PCDHGA11: variants seen among roughly 807,000 people sequenced by gnomAD.
The protein encoded by PCDHGA11 is protocadherin gamma subfamily A, 11.
A neutral mutation model predicts 60.4 loss-of-function variants in PCDHGA11; 39 were observed. That is an observed-to-expected ratio of 0.65 (90% confidence interval 0.50 to 0.84). The LOEUF (loss-of-function observed/expected upper bound fraction) is 0.84, where lower values mean the gene tolerates loss of function less well. Ranked by LOEUF, PCDHGA11 falls within the 40% of genes least tolerant of loss-of-function variation. The probability of loss-of-function intolerance (pLI) is 0.00; values close to 1 mark genes in which losing one functional copy is unlikely to be tolerated. For synonymous variants in PCDHGA11, 533 were observed against 510.3 expected (o/e 1.04, Z -0.60); for missense variants, 1,165 against 1,197.7 (o/e 0.97, Z 0.40).
Position 141,491,898 on chromosome 5 carries a change from G to C in PCDHGA11, c.2434-2909G>C, listed in dbSNP as rs772673872. 9.0e-5 allele frequency: 129 copies of C among 1,428,816 alleles called. 1 individual carries two copies. In the Middle Eastern group the frequency reaches 2.0e-3, roughly 22 times the overall value. The allele number at this position is 1,428,816 out of a possible 1,614,324, so 88.5% of individuals were successfully genotyped here. On this transcript the variant is annotated intron_variant, in intron 1 of 3. Coordinates refer to ENST00000398587, the MANE Select transcript of PCDHGA11 (RefSeq NM_018914.3). The surrounding 1 kb of genome is among the most constrained non-coding windows in gnomAD (Gnocchi z 6.9). ...ATTAAGGGATGGGGCTCCGAGCACCGGGGGTGGTGGCGACTGTGGGCGAGG... is the reference window on the plus strand; with the variant it reads ...ATTAAGGGATGGGGCTCCGAGCACCCGGGGTGGTGGCGACTGTGGGCGAGG...
Position 141,511,378 on chromosome 5 carries a change from T to C in PCDHGA11, c.*205T>C. 1 of 1,202,114 alleles carries C rather than the reference T, an allele frequency of 8.3e-7. No homozygotes were observed. The highest frequency in any genetic ancestry group is 1.1e-6 in the Non-Finnish European group (1 of 882,194). The allele number at this position is 1,202,114 out of a possible 1,614,324, so 74.5% of individuals were successfully genotyped here. A position where few individuals can be genotyped will look rare whatever the true frequency, so the allele number is the denominator to read the frequency against. On this transcript the variant is annotated 3_prime_UTR_variant, in exon 4 of 4. Coordinates refer to ENST00000398587, the MANE Select transcript of PCDHGA11 (RefSeq NM_018914.3). ...AGGGGGTTGAATATGCAAAAGCAGT[T>C]CCGCTGGGAACCCCCATCCAATCAA...
At chr5:141,466,296 A>G (rs2099120415) in intron 1 of PCDHGA11, among the ~76,000 whole-genome samples, 1 of 152,136 alleles carries the variant, frequency 6.6e-6, no homozygotes. Flanking sequence ...TCAGGCTCCC[A>G]AGTAGCTGGG....
At chr5:141,430,888 T>C (rs1447560622) in intron 1 of PCDHGA11, 5 of 1,605,402 alleles carry the variant, frequency 3.1e-6, no homozygotes, top group Admixed American at 1.7e-5. Context: ...AGAAAGGCTC[T>C]AGGGTGGGCG....
At chr5:141,473,439 A>G (rs2099322281) in intron 1 of PCDHGA11, among the ~76,000 whole-genome samples, 1 of 152,210 alleles carries the variant, frequency 6.6e-6, no homozygotes, top group African/African-American at 2.4e-5. Flanking sequence ...TTGCTTATGC[A>G]AAAATAATTA....
chr5:141,463,438 CTTTTTTTTTTT>C (rs71576115), intron 1 of PCDHGA11, among the ~76,000 whole-genome samples: 7 of 103,256 alleles, frequency 6.8e-5, no homozygotes, highest in African/African-American at 1.8e-4. Flanking sequence ...TTTCCTTCTC[CTTTTTTTTTTT>C]TTTTTTTTTT....
chr5:141,474,961 A>G (rs1395755491), intron 1 of PCDHGA11, among the ~76,000 whole-genome samples: 1 of 152,254 alleles, frequency 6.6e-6, no homozygotes, highest in South Asian at 2.1e-4. Flanking sequence ...TCACTATCCT[A>G]ATCATTATAA....
At chr5:141,427,276 T>G (rs1281222927) in intron 1 of PCDHGA11, 1 of 456,754 alleles carries the variant, frequency 2.2e-6, no homozygotes, top group Non-Finnish European at 4.4e-6. Context: ...GAATGTAAAA[T>G]TATACTAGAA....
intron 1 of PCDHGA11, among the ~76,000 whole-genome samples, chr5:141,481,031 C>G (rs926205148): frequency 1.3e-5 from 2 of 152,108 alleles, no homozygotes; most frequent in Non-Finnish European, 2.9e-5. Flanking sequence ...GCACTCCAGC[C>G]TGGGCGACAG....
At position 141,431,363 on chromosome 5, in the gene PCDHGA11, C is replaced by T. The variant is rs765751691; in HGVS notation, c.2433+7703C>T. On this transcript the variant is annotated intron_variant, in intron 1 of 3. Transcript: ENST00000398587. The surrounding 1 kb of genome is among the most constrained non-coding windows in gnomAD (Gnocchi z 4.8). The stretch of plus-strand genomic sequence containing the variant: ...ATTGGTGCTGAAACGCGCCCTGGAC[C>T]GCGAAGAAAAGGCTGCTCACCACCT... 1 of 1,614,024 alleles carries T rather than the reference C, an allele frequency of 6.2e-7. No homozygotes were observed. The highest frequency in any genetic ancestry group is 2.2e-5 in the East Asian group (1 of 44,882).
Position 141,485,870 on chromosome 5 carries a change from C to T in PCDHGA11, c.2434-8937C>T. The stretch of plus-strand genomic sequence containing the variant: ...CACCGCAGAGCTCCGGGTATCCGTG[C>T]TGGACGTAAACGACAACGCCCCAGC... On this transcript the variant is annotated intron_variant, in intron 1 of 3. Coordinates refer to ENST00000398587, the MANE Select transcript of PCDHGA11 (RefSeq NM_018914.3). This position sits in a 1 kb window ranked among gnomAD's most constrained non-coding sequence, Gnocchi z 5.7. 6.2e-7 allele frequency: 1 copy of T among 1,614,174 alleles called. No homozygotes were observed. The highest frequency in any genetic ancestry group is 8.5e-7 in the Non-Finnish European group (1 of 1,180,032).
At chr5:141,452,460 G>A (rs750887712) in intron 1 of PCDHGA11, among the ~76,000 whole-genome samples, 1 of 152,140 alleles carries the variant, frequency 6.6e-6, no homozygotes, top group Non-Finnish European at 1.5e-5. Flanking sequence ...GTCAGCAGAC[G>A]GAGCTAGGAA....
Position 141,485,831 on chromosome 5 carries a change from C to T in PCDHGA11, c.2434-8976C>T. 1 of 1,614,080 alleles carries T rather than the reference C, an allele frequency of 6.2e-7. No individual in the cohort carries two copies. The highest frequency in any genetic ancestry group is 8.5e-7 in the Non-Finnish European group (1 of 1,180,026). ...GCTGACTGCTGTCGATGGAGGGAAC[C>T]CGCCGAGATCTGGCACCGCAGAGCT... On this transcript the variant is annotated intron_variant, in intron 1 of 3. Coordinates refer to ENST00000398587, the MANE Select transcript of PCDHGA11 (RefSeq NM_018914.3). This position sits in a 1 kb window ranked among gnomAD's most constrained non-coding sequence, Gnocchi z 5.7.
intron 1 of PCDHGA11, among the ~76,000 whole-genome samples, chr5:141,463,128 A>G (rs914895217): frequency 1.5e-4 from 23 of 152,190 alleles, no homozygotes; most frequent in Admixed American, 1.4e-3. Context: ...GCTCCCTGGC[A>G]GTTCTTCGCC....
Position 141,487,007 on chromosome 5 carries a change from G to C in PCDHGA11, c.2434-7800G>C, listed in dbSNP as rs563548715. On this transcript the variant is annotated intron_variant, in intron 1 of 3. Transcript: ENST00000398587. This position sits in a 1 kb window ranked among gnomAD's most constrained non-coding sequence, Gnocchi z 5.0. ...TGCTTGGGTTTCCTATCAGCTCCTG[G>C]AGGCCCCAGATCCCAGCCTGTTTGC... The C allele has an allele frequency of 6.2e-7, 1 of 1,614,206 alleles. No individual in the cohort carries two copies. Among genetic ancestry groups the C allele is most frequent in the Non-Finnish European group, 8.5e-7 (1 of 1,180,042 alleles).
intron 2 of PCDHGA11, among the ~76,000 whole-genome samples, chr5:141,497,540 C>A (rs866982821): frequency 7.4e-6 from 1 of 134,944 alleles, no homozygotes; most frequent in African/African-American, 2.8e-5. Context: ...TGCAACAAAC[C>A]TTTTTTTTTT....
intron 1 of PCDHGA11, among the ~76,000 whole-genome samples, chr5:141,484,796 C>A (rs987893041): frequency 1.3e-5 from 2 of 151,304 alleles, no homozygotes; most frequent in African/African-American, 4.9e-5. Flanking sequence ...GATAACAACC[C>A]GTGGAAAAAC....
In PCDHGA11 at chr5:141,500,954, C is replaced by T. The variant is rs536993707; in HGVS notation, c.2493-4439C>T. On this transcript the variant is annotated intron_variant, in intron 2 of 3. Coordinates refer to ENST00000398587, the MANE Select transcript of PCDHGA11 (RefSeq NM_018914.3). Reference sequence around the variant, plus strand: ...CGCCATCTCGGCTCACTGCAAGCTCCACCTCCTGGGTTCAAGCAATTCTCC... The same window carrying T: ...CGCCATCTCGGCTCACTGCAAGCTCTACCTCCTGGGTTCAAGCAATTCTCC... Among the ~76,000 whole-genome samples the T allele has an allele frequency of 2.4e-3, 358 of 152,060 alleles. 1 individual carries two copies. The highest frequency in any genetic ancestry group is 4.1e-3 in the Admixed American group (63 of 15,282).
rs2099402935 is a variant in PCDHGA11, at chr5:141,476,991, G to A, written c.2434-17816G>A. On this transcript the variant is annotated intron_variant, in intron 1 of 3. Transcript: ENST00000398587. The surrounding 1 kb of genome is among the most constrained non-coding windows in gnomAD (Gnocchi z 7.6). ...GGCAGCCACAACCGCGCCGGCGTGC[G>A]GCAACTATTCGCCTTAGACCTTGTA... 4 of 1,614,094 alleles carry A rather than the reference G, an allele frequency of 2.5e-6. No homozygotes were observed. Among genetic ancestry groups the A allele is most frequent in the Non-Finnish European group, 3.4e-6 (4 of 1,180,056 alleles).
intron 1 of PCDHGA11, among the ~76,000 whole-genome samples, chr5:141,433,534 C>T (rs2097618995): frequency 6.6e-6 from 1 of 152,088 alleles, no homozygotes; most frequent in Admixed American, 6.5e-5. Context: ...GTGCCCCGCC[C>T]TTATCAGATA....
Sources: gnomAD v4.1 joint callset for allele counts (sites outside exome capture counted in the v4.1 genomes callset) on GRCh38, gnomAD v4.1.1 for gene constraint, Gnocchi (gnomAD v3.1) non-coding constraint, MANE v1.5 for transcripts, NCBI Gene and HGNC (gene_info 2026-07-23, HGNC 2026-07-21) for gene names.